PLXDC2: variants seen among roughly 807,000 people sequenced by gnomAD.
PLXDC2 encodes the protein plexin domain-containing protein 2.
A neutral mutation model predicts 68.9 loss-of-function variants in PLXDC2; 40 were observed. The ratio of observed to expected loss-of-function variants is 0.58; its 90% CI spans 0.45 to 0.76. The LOEUF (loss-of-function observed/expected upper bound fraction) is 0.76, where lower values mean the gene tolerates loss of function less well. Among genes scored for constraint, PLXDC2 ranks in the 30% least tolerant of loss-of-function variants. The pLI is 0.00. For missense variants in PLXDC2, 644 were observed against 661.9 expected (o/e 0.97, Z 0.30); for synonymous variants, 243 against 234.2 (o/e 1.04, Z -0.34).
At chr10:19,855,926 A>C (rs952888084) in intron 1 of PLXDC2, among the ~76,000 whole-genome samples, 4 of 152,112 alleles carry the variant, frequency 2.6e-5, no homozygotes, top group Non-Finnish European at 4.4e-5. Context: ...TGTACTAAAA[A>C]AATATACATA....
chr10:19,975,570 A>G (rs1834442090), intron 1 of PLXDC2, among the ~76,000 whole-genome samples: 1 of 152,192 alleles, frequency 6.6e-6, no homozygotes, highest in Non-Finnish European at 1.5e-5. Flanking sequence ...CAACTTTCCG[A>G]TATTAACATT....
chr10:20,189,355 C>T lies in PLXDC2; in HGVS notation c.1061+11946C>T, dbSNP rs144182796. Among the ~76,000 whole-genome samples the T allele has an allele frequency of 4.3e-3, 652 of 150,020 alleles. 2 individuals are homozygous for T. The highest frequency in any genetic ancestry group is 0.015 in the African/African-American group (619 of 41,132). ...TTGGAAACTGGCATAAAGAGAAATA[C>T]GTATTACCATTTCATCATAATCAGA... On this transcript the variant is annotated intron_variant, in intron 9 of 13. Coordinates refer to ENST00000377252, the MANE Select transcript of PLXDC2 (RefSeq NM_032812.9).
chr10:19,828,345 A>G (rs1836614484), intron 1 of PLXDC2, among the ~76,000 whole-genome samples: 2 of 152,330 alleles, frequency 1.3e-5, no homozygotes, highest in South Asian at 4.1e-4. Context: ...CTACCCCTCC[A>G]TAGACAATAG....
At chr10:20,083,790 C>A (rs1382407227) in intron 4 of PLXDC2, among the ~76,000 whole-genome samples, 2 of 152,054 alleles carry the variant, frequency 1.3e-5, no homozygotes, top group South Asian at 2.1e-4. Context: ...CTTATGAGTA[C>A]CATTCTAAAA....
chr10:20,065,640 C>T (rs1836194681), intron 3 of PLXDC2, among the ~76,000 whole-genome samples: 1 of 152,138 alleles, frequency 6.6e-6, no homozygotes, highest in Non-Finnish European at 1.5e-5. Flanking sequence ...AGCTTGTTTT[C>T]CTGTAACTAG....
At chr10:19,967,129 A>C (rs908340323) in intron 1 of PLXDC2, among the ~76,000 whole-genome samples, 1 of 152,236 alleles carries the variant, frequency 6.6e-6, no homozygotes, top group Non-Finnish European at 1.5e-5. Context: ...ATCTCTATCT[A>C]GAAAGCAAAA....
intron 1 of PLXDC2, among the ~76,000 whole-genome samples, chr10:19,839,718 C>T (rs1311957559): frequency 6.6e-6 from 1 of 151,414 alleles, no homozygotes; most frequent in Non-Finnish European, 1.5e-5. Flanking sequence ...GTAACTGTTA[C>T]TTTTTTGTTA....
chr10:20,117,649 C>T (rs1262650718), intron 4 of PLXDC2, among the ~76,000 whole-genome samples: 1 of 152,038 alleles, frequency 6.6e-6, no homozygotes, highest in Non-Finnish European at 1.5e-5. Flanking sequence ...TATTGCCCAG[C>T]AGTAAGAATA....
At chr10:19,913,960 A>G (rs888782170) in intron 1 of PLXDC2, among the ~76,000 whole-genome samples, 9 of 151,972 alleles carry the variant, frequency 5.9e-5, no homozygotes, top group Admixed American at 5.3e-4. Flanking sequence ...AAGCACATAC[A>G]ATGGTAAGTA....
intron 1 of PLXDC2, among the ~76,000 whole-genome samples, chr10:19,851,570 G>T (rs546666340): frequency 6.6e-6 from 1 of 152,110 alleles, no homozygotes; most frequent in African/African-American, 2.4e-5. Context: ...TTTTGAGACA[G>T]AGTCTCGCTC....
chr10:20,028,733 G>A (rs1835448834), intron 2 of PLXDC2, among the ~76,000 whole-genome samples: 3 of 152,022 alleles, frequency 2.0e-5, no homozygotes. Context: ...GCTCTTGTTG[G>A]TAACCCAGTA....
At chr10:20,161,597 TA>T (rs1446304297) in intron 6 of PLXDC2, among the ~76,000 whole-genome samples, 2 of 149,214 alleles carry the variant, frequency 1.3e-5, no homozygotes, top group Non-Finnish European at 3.0e-5. Flanking sequence ...CCACCACCAA[TA>T]AAAAGCACTG....
chr10:19,991,929 G>A (rs116906033), intron 1 of PLXDC2, among the ~76,000 whole-genome samples: 2 of 152,124 alleles, frequency 1.3e-5, no homozygotes, highest in African/African-American at 4.8e-5. Flanking sequence ...CCTGGTTGGC[G>A]GACTCAAACT....
chr10:20,161,575 A>G (rs1418916465), intron 6 of PLXDC2, among the ~76,000 whole-genome samples: 1 of 151,922 alleles, frequency 6.6e-6, no homozygotes, highest in Admixed American at 6.6e-5. Flanking sequence ...TGAGGCCATT[A>G]CTGCAATCAA....
intron 1 of PLXDC2, among the ~76,000 whole-genome samples, chr10:19,873,763 T>C (rs1417127474): frequency 2.6e-5 from 4 of 152,228 alleles, no homozygotes; most frequent in Non-Finnish European, 4.4e-5. Context: ...CCATTTCATT[T>C]ATTTGGTATC....
At chr10:20,202,626 T>C (rs1834935650) in intron 9 of PLXDC2, among the ~76,000 whole-genome samples, 1 of 152,128 alleles carries the variant, frequency 6.6e-6, no homozygotes, top group Non-Finnish European at 1.5e-5. Context: ...ACTTAAGAAG[T>C]TACACAGGTA....
chr10:20,060,735 C>T (rs1000951607), intron 3 of PLXDC2, among the ~76,000 whole-genome samples: 1 of 152,066 alleles, frequency 6.6e-6, no homozygotes, highest in African/African-American at 2.4e-5. Flanking sequence ...TGATGTTTTA[C>T]TACTACTAAA....
intron 13 of PLXDC2, among the ~76,000 whole-genome samples, chr10:20,265,823 C>T (rs1000244129): frequency 2.6e-5 from 4 of 152,142 alleles, no homozygotes; most frequent in Non-Finnish European, 2.9e-5. Flanking sequence ...CAAAGATGGG[C>T]AGGTGACTAC....
intron 1 of PLXDC2, among the ~76,000 whole-genome samples, chr10:19,820,620 G>A (rs1363836797): frequency 1.4e-5 from 2 of 139,736 alleles, no homozygotes; most frequent in Non-Finnish European, 1.5e-5. Context: ...CGGCCTGGGC[G>A]ACAGAGCGAG....
Sources: gnomAD v4.1 joint callset for allele counts (sites outside exome capture counted in the v4.1 genomes callset) on GRCh38, gnomAD v4.1.1 for gene constraint, MANE v1.5 for transcripts, NCBI Gene and HGNC (gene_info 2026-07-23, HGNC 2026-07-21) for gene names.